Variants in PCDH9 observed in about 807,000 individuals in gnomAD.
PCDH9 encodes protocadherin-9.
PCDH9 carries 24 observed loss-of-function variants against 70.6 expected under a neutral mutation model. That is an observed-to-expected ratio of 0.34 (90% CI 0.25 to 0.48). The LOEUF (loss-of-function observed/expected upper bound fraction) is 0.48, where lower values mean the gene tolerates loss of function less well. Among genes scored for constraint, PCDH9 ranks in the 20% least tolerant of loss-of-function variants. PCDH9 has a pLI of 0.99. For synonymous variants in PCDH9, 562 were observed against 558.5 expected (o/e 1.01, Z -0.09); for missense variants, 1,281 against 1,503.6 (o/e 0.85, Z 2.45).
intron 2 of PCDH9, among the ~76,000 whole-genome samples, chr13:67,155,812 G>A (rs1474675897): frequency 6.6e-6 from 1 of 151,954 alleles, no homozygotes; most frequent in Non-Finnish European, 1.5e-5. Flanking sequence ...AAAAGCAGTG[G>A]CAATCTCATC....
At chr13:66,500,476 T>G (rs1316759717) in intron 4 of PCDH9, among the ~76,000 whole-genome samples, 1 of 152,066 alleles carries the variant, frequency 6.6e-6, no homozygotes, top group African/African-American at 2.4e-5. Flanking sequence ...GATAAGTAAA[T>G]TTTTTTAACA....
At chr13:66,529,982 A>G (rs535228699) in intron 4 of PCDH9, among the ~76,000 whole-genome samples, 1 of 152,144 alleles carries the variant, frequency 6.6e-6, no homozygotes, top group Admixed American at 6.6e-5. Context: ...AAATACACAT[A>G]CAACACATTT....
intron 3 of PCDH9, among the ~76,000 whole-genome samples, chr13:66,768,732 C>T (rs61961059): frequency 0.06 from 9,080 of 152,076 alleles, 358 homozygotes; most frequent in Non-Finnish European, 0.094. Context: ...GACAAAGCAA[C>T]CTTTTATCCT....
intron 2 of PCDH9, among the ~76,000 whole-genome samples, chr13:67,085,863 T>G (rs901088801): frequency 3.9e-5 from 6 of 152,194 alleles, no homozygotes; most frequent in African/African-American, 1.4e-4. Flanking sequence ...ATGAATGAAT[T>G]CCCTATAGCC....
chr13:66,952,417 C>T (rs1372246026), intron 2 of PCDH9, among the ~76,000 whole-genome samples: 2 of 152,112 alleles, frequency 1.3e-5, no homozygotes, highest in African/African-American at 4.8e-5. Flanking sequence ...CATGAACGTA[C>T]CTAGCATATC....
At chr13:67,105,411 G>T (rs1220973889) in intron 2 of PCDH9, among the ~76,000 whole-genome samples, 1 of 152,038 alleles carries the variant, frequency 6.6e-6, no homozygotes, top group African/African-American at 2.4e-5. Flanking sequence ...CTGGTTTTGA[G>T]AATCACACTC....
chr13:66,893,462 C>T (rs957489616), intron 3 of PCDH9, among the ~76,000 whole-genome samples: 1 of 152,122 alleles, frequency 6.6e-6, no homozygotes, highest in Non-Finnish European at 1.5e-5. Flanking sequence ...CTATACAGGT[C>T]ATCTCTTGAT....
chr13:66,401,670 T>G (rs1215880668), intron 4 of PCDH9, among the ~76,000 whole-genome samples: 1 of 152,114 alleles, frequency 6.6e-6, no homozygotes, highest in Non-Finnish European at 1.5e-5. Context: ...AGGTCCTAGA[T>G]AAATATTTTT....
chr13:67,169,656 A>G (rs1326170379), intron 2 of PCDH9, among the ~76,000 whole-genome samples: 1 of 152,242 alleles, frequency 6.6e-6, no homozygotes, highest in Non-Finnish European at 1.5e-5. Flanking sequence ...CAACTCATAT[A>G]GAATCTGAAC....
chr13:66,614,736 T>C (rs1365616459), intron 4 of PCDH9, among the ~76,000 whole-genome samples: 1 of 152,206 alleles, frequency 6.6e-6, no homozygotes, highest in Non-Finnish European at 1.5e-5. Flanking sequence ...ACATAAATTT[T>C]ATTTCCTCAG....
chr13:67,028,910 T>A (rs747583808), intron 2 of PCDH9, among the ~76,000 whole-genome samples: 68 of 152,144 alleles, frequency 4.5e-4, no homozygotes, highest in Non-Finnish European at 5.6e-4. Flanking sequence ...ACTGCCAGAG[T>A]TGAATTGCAC....
intron 3 of PCDH9, among the ~76,000 whole-genome samples, chr13:66,710,267 A>AG (rs2078774838): frequency 6.6e-6 from 1 of 152,164 alleles, no homozygotes; most frequent in African/African-American, 2.4e-5. Flanking sequence ...ATTAATTATA[A>AG]CTATGGCGAT....
Position 67,188,593 on chromosome 13 carries a change from C to T in PCDH9, c.3036+36812G>A, listed in dbSNP as rs185923622. Among the ~76,000 whole-genome samples, 60 of 151,966 alleles carry T rather than the reference C, an allele frequency of 3.9e-4. No homozygotes were observed. The East Asian group carries it at 0.011, about 27-fold the overall frequency. On this transcript the variant is annotated intron_variant, in intron 2 of 4. Coordinates refer to ENST00000377865, the MANE Select transcript of PCDH9 (RefSeq NM_203487.3). ...GTCCTTTTAATGAAATATTTGGAAT[C>T]ACATTTGAAAAGAGAAAAAAATTAT...
chr13:66,419,664 C>G (rs1185052154), intron 4 of PCDH9, among the ~76,000 whole-genome samples: 1 of 152,102 alleles, frequency 6.6e-6, no homozygotes, highest in Non-Finnish European at 1.5e-5. Flanking sequence ...ACCCATAGAC[C>G]AGGAGATTCC....
chr13:66,851,389 C>CA (rs950364537), intron 3 of PCDH9, among the ~76,000 whole-genome samples: 8 of 149,476 alleles, frequency 5.4e-5, no homozygotes, highest in South Asian at 4.2e-4. Context: ...CAAAACTTCT[C>CA]AAAAAAAAAT....
At chr13:66,766,144 T>C (rs960399329) in intron 3 of PCDH9, among the ~76,000 whole-genome samples, 2 of 151,968 alleles carry the variant, frequency 1.3e-5, no homozygotes, top group Admixed American at 6.6e-5. Context: ...TCTATATACA[T>C]GAATATGTAT....
chr13:66,549,840 G>T (rs1009259105), intron 4 of PCDH9, among the ~76,000 whole-genome samples: 1 of 152,028 alleles, frequency 6.6e-6, no homozygotes, highest in East Asian at 1.9e-4. Context: ...GCAAAATGGC[G>T]AGACCCTATC....
chr13:66,797,015 A>G (rs2080253354), intron 3 of PCDH9, among the ~76,000 whole-genome samples: 1 of 152,154 alleles, frequency 6.6e-6, no homozygotes. Context: ...ACAGCTTATT[A>G]GAGGAATTTA....
chr13:66,521,761 G>A (rs796901165), intron 4 of PCDH9, among the ~76,000 whole-genome samples: 6 of 152,088 alleles, frequency 3.9e-5, no homozygotes, highest in African/African-American at 1.4e-4. Flanking sequence ...ACTTGATACA[G>A]GATACGACAA....
Sources: gnomAD v4.1 joint callset for allele counts (sites outside exome capture counted in the v4.1 genomes callset) on GRCh38, gnomAD v4.1.1 for gene constraint, MANE v1.5 for transcripts, NCBI Gene and HGNC (gene_info 2026-07-23, HGNC 2026-07-21) for gene names.